The following RFX7 variants were observed in gnomAD, a reference collection of about 807,000 sequenced individuals.
RFX7 encodes regulatory factor X7.
RFX7 carries 26 observed loss-of-function variants against 111.8 expected under a neutral mutation model. That is an observed-to-expected ratio of 0.23 (90% CI 0.17 to 0.32). The LOEUF is 0.32. RFX7 is among the 10% of genes least tolerant of loss of function. RFX7 has a pLI of 1.00. For synonymous variants in RFX7, 624 were observed against 624.4 expected, an observed-to-expected ratio of 1.00 and a Z score of 0.01; for missense variants, 1,573 against 1,772.9, an observed-to-expected ratio of 0.89 and a Z score of 2.02.
intron 2 of RFX7, among the ~76,000 whole-genome samples, chr15:56,223,055 A>T (rs2043443315): frequency 6.6e-6 from 1 of 152,196 alleles, no homozygotes; most frequent in African/African-American, 2.4e-5. Flanking sequence ...TGCTATAGAC[A>T]TCCTGAAGTC....
chr15:56,130,519 T>G (rs1341751689), intron 5 of RFX7, among the ~76,000 whole-genome samples: 2 of 152,172 alleles, frequency 1.3e-5, no homozygotes, highest in East Asian at 1.9e-4. Context: ...ACAACTCATA[T>G]GCATATCAAA....
At chr15:56,177,743 C>G (rs1185213370) in intron 3 of RFX7, among the ~76,000 whole-genome samples, 1 of 152,108 alleles carries the variant, frequency 6.6e-6, no homozygotes, top group Non-Finnish European at 1.5e-5. Context: ...CTGTGTCTGT[C>G]TTGCTTACCA....
At chr15:56,132,795 A>C (rs1446201914) in intron 5 of RFX7, among the ~76,000 whole-genome samples, 5 of 152,114 alleles carry the variant, frequency 3.3e-5, no homozygotes, top group Admixed American at 6.5e-5. Flanking sequence ...GCTAGAACAA[A>C]CATATCAGAA....
rs542216374 is a variant in RFX7 at position 56,153,317 on chromosome 15, T to G, written c.196-8834A>C. On this transcript the variant is annotated intron_variant, in intron 3 of 9. Transcript: ENST00000559447. ...ATCGATGTGAAAACCCTCAATAAAA[T>G]ACAGGCAAACCGAATCCAGCAGCAC... Among the ~76,000 whole-genome samples the G allele has an allele frequency of 1.1e-4, 17 of 152,270 alleles. 1 individual carries two copies. In the South Asian group the frequency reaches 3.5e-3, roughly 32 times the overall value.
intron 3 of RFX7, among the ~76,000 whole-genome samples, chr15:56,166,686 C>T (rs1336261952): frequency 6.6e-6 from 1 of 152,024 alleles, no homozygotes; most frequent in African/African-American, 2.4e-5. Flanking sequence ...AGGTTGATGA[C>T]ATGTAGCAGC....
At chr15:56,207,865 C>T (rs182877075) in intron 2 of RFX7, among the ~76,000 whole-genome samples, 10 of 152,130 alleles carry the variant, frequency 6.6e-5, no homozygotes, top group Non-Finnish European at 1.5e-4. Flanking sequence ...CACAAACCCC[C>T]CAAATGGGAA....
At chr15:56,215,028 T>G (rs2043349966) in intron 2 of RFX7, among the ~76,000 whole-genome samples, 1 of 152,220 alleles carries the variant, frequency 6.6e-6, no homozygotes, top group South Asian at 2.1e-4. Context: ...ACTTTTTCAC[T>G]AATACGTACA....
intron 2 of RFX7, among the ~76,000 whole-genome samples, chr15:56,215,423 ATTT>A (rs1249453008): frequency 2.0e-5 from 3 of 152,152 alleles, no homozygotes; most frequent in Non-Finnish European, 4.4e-5. Flanking sequence ...ATTCAGTGTT[ATTT>A]ATTTTCCTGC....
At chr15:56,158,034 G>C (rs1377721255) in intron 3 of RFX7, among the ~76,000 whole-genome samples, 1 of 152,004 alleles carries the variant, frequency 6.6e-6, no homozygotes, top group South Asian at 2.1e-4. Flanking sequence ...ATAAATCTGA[G>C]GTTAATAAGC....
intron 3 of RFX7, among the ~76,000 whole-genome samples, chr15:56,150,860 G>C (rs2042559933): frequency 6.6e-6 from 1 of 152,172 alleles, no homozygotes; most frequent in African/African-American, 2.4e-5. Flanking sequence ...AACCAAGGTA[G>C]AGAAGAACAT....
chr15:56,132,929 C>G (rs1336499190), intron 5 of RFX7, among the ~76,000 whole-genome samples: 1 of 151,980 alleles, frequency 6.6e-6, no homozygotes, highest in African/African-American at 2.4e-5. Flanking sequence ...CCCTCTCACC[C>G]AAGAACTGCA....
chr15:56,134,602 T>C (rs1380060351), intron 5 of RFX7, among the ~76,000 whole-genome samples: 2 of 100,964 alleles, frequency 2.0e-5, no homozygotes, highest in Admixed American at 1.4e-4. Context: ...CTTTCTTTTT[T>C]TTTTTTTTTT....
At chr15:56,114,197 A>G (rs909527063) in intron 5 of RFX7, among the ~76,000 whole-genome samples, 1 of 152,034 alleles carries the variant, frequency 6.6e-6, no homozygotes, top group Non-Finnish European at 1.5e-5. Context: ...TGAGCTCAGG[A>G]GTTCAGGACC....
intron 2 of RFX7, among the ~76,000 whole-genome samples, chr15:56,186,786 C>T (rs1410042802): frequency 6.6e-6 from 1 of 152,032 alleles, no homozygotes; most frequent in Non-Finnish European, 1.5e-5. Context: ...CCCCAAATTC[C>T]ACCACTACAA....
intron 2 of RFX7, among the ~76,000 whole-genome samples, chr15:56,214,390 A>G (rs1229413654): frequency 2.0e-5 from 3 of 152,174 alleles, no homozygotes; most frequent in Admixed American, 1.3e-4. Flanking sequence ...TTATGCCTAC[A>G]TTATTGAAAA....
chr15:56,238,303 T>C (rs1208074306), intron 2 of RFX7, among the ~76,000 whole-genome samples: 1 of 152,194 alleles, frequency 6.6e-6, no homozygotes, highest in Non-Finnish European at 1.5e-5. Flanking sequence ...TAGATGTTGA[T>C]TGTCATCATC....
At chr15:56,195,966 G>T (rs986479347) in intron 2 of RFX7, among the ~76,000 whole-genome samples, 1 of 152,028 alleles carries the variant, frequency 6.6e-6, no homozygotes, top group Non-Finnish European at 1.5e-5. Context: ...AAGATTTATT[G>T]ATTTTATTGT....
chr15:56,135,188 A>G (rs1216291352), intron 5 of RFX7, among the ~76,000 whole-genome samples: 5 of 152,210 alleles, frequency 3.3e-5, no homozygotes, highest in Admixed American at 1.3e-4. Flanking sequence ...AGGAATCGCC[A>G]TACTGACTTC....
intron 5 of RFX7, among the ~76,000 whole-genome samples, chr15:56,122,122 T>C (rs1421902138): frequency 6.6e-6 from 1 of 152,214 alleles, no homozygotes; most frequent in East Asian, 1.9e-4. Context: ...ATATTTATCG[T>C]AGTGTTCACA....
Sources: gnomAD v4.1 joint callset for allele counts (sites outside exome capture counted in the v4.1 genomes callset) on GRCh38, gnomAD v4.1.1 for gene constraint, MANE v1.5 for transcripts, NCBI Gene and HGNC (gene_info 2026-07-23, HGNC 2026-07-21) for gene names.